The following TENM3 variants were observed in gnomAD, a reference collection of about 807,000 sequenced individuals.
The protein encoded by TENM3 is teneurin-3.
In TENM3, 63 loss-of-function variants were observed where a neutral mutation model predicts 255.1. The ratio of observed to expected loss-of-function variants is 0.25; its 90% CI spans 0.20 to 0.30. The LOEUF is 0.30. Ranked by LOEUF, TENM3 falls within the 10% of genes least tolerant of loss-of-function variation. The pLI is 1.00. For synonymous variants in TENM3, 1,306 were observed against 1,322.3 expected (o/e 0.99, Z 0.27); for missense variants, 2,929 against 3,461.1 (o/e 0.85, Z 3.86).
At chr4:181,530,292 A>T in the TENM3 span, among the ~76,000 whole-genome samples, 1 of 152,216 alleles carries the variant, frequency 6.6e-6, no homozygotes, top group African/African-American at 2.4e-5. Flanking sequence ...GCACCAATAG[A>T]TTAATTTTTA....
At chr4:182,391,641 G>A (rs573545135) in intron 3 of TENM3, among the ~76,000 whole-genome samples, 19 of 152,270 alleles carry the variant, frequency 1.2e-4, no homozygotes, top group South Asian at 6.2e-4. Flanking sequence ...TATGCAGCTC[G>A]TAGCATCTTT....
the TENM3 span, among the ~76,000 whole-genome samples, chr4:181,610,970 AC>A: frequency 6.6e-6 from 1 of 152,210 alleles, no homozygotes; most frequent in Non-Finnish European, 1.5e-5. Flanking sequence ...ACTGGAAAAG[AC>A]CCAAAGGTCA....
chr4:182,100,847 A>G, the TENM3 span, among the ~76,000 whole-genome samples: 34 of 11,212 alleles, frequency 3.0e-3, 8 homozygotes, highest in African/African-American at 5.2e-4. Context: ...ATACTCATAT[A>G]TATATATATA....
chr4:182,621,761 A>ATATTATATTAATATATTAT (rs1750260593), intron 4 of TENM3, among the ~76,000 whole-genome samples: 3 of 84,546 alleles, frequency 3.5e-5, no homozygotes, highest in African/African-American at 1.4e-4. Context: ...TATAATATAT[A>ATATTATATTAATATATTAT]ATAATTATAT....
the TENM3 span, among the ~76,000 whole-genome samples, chr4:182,035,308 C>T: frequency 6.6e-6 from 1 of 152,124 alleles, no homozygotes; most frequent in African/African-American, 2.4e-5. Context: ...GCAAATTGAG[C>T]TTATTATTAA....
chr4:182,491,755 A>G (rs1442941713), intron 3 of TENM3, among the ~76,000 whole-genome samples: 2 of 152,226 alleles, frequency 1.3e-5, no homozygotes, highest in Non-Finnish European at 2.9e-5. Flanking sequence ...CACCTACAGA[A>G]TCCACTTTTG....
intron 3 of TENM3, among the ~76,000 whole-genome samples, chr4:182,433,260 T>A (rs1472351494): frequency 6.6e-6 from 1 of 151,746 alleles, no homozygotes; most frequent in Non-Finnish European, 1.5e-5. Context: ...AGCAGTTAAG[T>A]GGATAGAGAG....
At chr4:182,657,470 C>A (rs569728836) in intron 6 of TENM3, among the ~76,000 whole-genome samples, 10 of 152,208 alleles carry the variant, frequency 6.6e-5, no homozygotes, top group African/African-American at 2.2e-4. Context: ...ATTCCAGGTT[C>A]ATCTTTGCGG....
intron 2 of TENM3, among the ~76,000 whole-genome samples, chr4:182,344,830 G>T (rs753617682): frequency 1.3e-5 from 2 of 152,040 alleles, no homozygotes; most frequent in Non-Finnish European, 2.9e-5. Flanking sequence ...AATAGCAGTG[G>T]GTAAGCTCTT....
chr4:182,754,411 A>G lies in TENM3; in HGVS notation c.4044A>G (p.Leu1348=), dbSNP rs1762580656. The change falls in exon 22 of 28, where the codon CTA becomes CTG. Residue 1348 remains leucine, a synonymous_variant. Coordinates refer to ENST00000511685, the MANE Select transcript of TENM3 (RefSeq NM_001080477.4). The surrounding 1 kb of genome is among the most constrained non-coding windows in gnomAD (Gnocchi z 5.1). ...TACGTCTGGAATGGCCCACTGACCT[A>G]GCCATTAACCCTATGGATAACTCCA... ...SQVRLEWPTD[L]AINPMDNSIY... is the part of the protein sequence containing the mutation. The G allele has an allele frequency of 1.9e-6, 3 of 1,607,586 alleles. No individual in the cohort carries two copies. Among genetic ancestry groups the G allele is most frequent in the Non-Finnish European group, 1.7e-6 (2 of 1,176,472 alleles).
At chr4:181,589,996 G>A in the TENM3 span, among the ~76,000 whole-genome samples, 2 of 152,152 alleles carry the variant, frequency 1.3e-5, no homozygotes, top group African/African-American at 4.8e-5. Context: ...AAAATAGTCA[G>A]TTTGCAAGAG....
chr4:181,844,547 A>G, the TENM3 span, among the ~76,000 whole-genome samples: 2 of 152,010 alleles, frequency 1.3e-5, no homozygotes, highest in Admixed American at 6.6e-5. Context: ...GGGCGCCTGT[A>G]GTCCCAGCTA....
the TENM3 span, among the ~76,000 whole-genome samples, chr4:181,868,050 T>C: frequency 1.3e-5 from 2 of 152,234 alleles, no homozygotes; most frequent in Admixed American, 1.3e-4. Context: ...GGTAATTCCC[T>C]ATATTTCTGG....
At chr4:182,455,532 G>A (rs994286090) in intron 3 of TENM3, among the ~76,000 whole-genome samples, 1 of 144,974 alleles carries the variant, frequency 6.9e-6, no homozygotes, top group South Asian at 2.3e-4. Flanking sequence ...GAGTTTCCAA[G>A]AGCTGACTTG....
chr4:182,054,921 G>C, the TENM3 span, among the ~76,000 whole-genome samples: 2 of 152,284 alleles, frequency 1.3e-5, no homozygotes. Flanking sequence ...AGAGCTGGAA[G>C]AAGAGCATTC....
chr4:181,732,398 G>C, the TENM3 span, among the ~76,000 whole-genome samples: 2 of 152,058 alleles, frequency 1.3e-5, no homozygotes, highest in African/African-American at 4.8e-5. Flanking sequence ...TCCTATGTCA[G>C]TTTCTTAATG....
At chr4:182,568,256 A>G (rs1203313584) in intron 3 of TENM3, among the ~76,000 whole-genome samples, 1 of 152,200 alleles carries the variant, frequency 6.6e-6, no homozygotes, top group African/African-American at 2.4e-5. Context: ...ATCTGCACTG[A>G]ACCCTCAACA....
At chr4:182,204,874 T>A (rs1256599520) in intron 1 of TENM3, among the ~76,000 whole-genome samples, 1 of 152,224 alleles carries the variant, frequency 6.6e-6, no homozygotes, top group Non-Finnish European at 1.5e-5. Flanking sequence ...CTATAGAGAT[T>A]GCATTTGGAG....
chr4:182,694,208 C>G (rs970313046), intron 12 of TENM3, among the ~76,000 whole-genome samples: 1 of 151,990 alleles, frequency 6.6e-6, no homozygotes, highest in Admixed American at 6.5e-5. Context: ...CTCCTGAGCC[C>G]AAGTGATCCT....
Sources: allele counts gnomAD v4.1 joint callset (sites outside exome capture counted in the v4.1 genomes callset), GRCh38; gene constraint gnomAD v4.1.1; non-coding constraint Gnocchi (gnomAD v3.1); transcripts MANE v1.5; gene names NCBI Gene and HGNC (gene_info 2026-07-23, HGNC 2026-07-21).